SORCS1: variants seen among roughly 807,000 people sequenced by gnomAD.
SORCS1 encodes the protein VPS10 domain-containing receptor SorCS1.
SORCS1 carries 60 observed loss-of-function variants against 146.1 expected under a neutral mutation model. The ratio of observed to expected loss-of-function variants is 0.41; its 90% CI spans 0.33 to 0.51. The LOEUF is 0.51. SORCS1 is among the 20% of genes least tolerant of loss of function. The probability of loss-of-function intolerance (pLI) is 0.21; values close to 1 mark genes in which losing one functional copy is unlikely to be tolerated. For missense variants in SORCS1, 1,352 were observed against 1,487.6 expected (o/e 0.91, Z 1.50); for synonymous variants, 637 against 584.0 (o/e 1.09, Z -1.31).
intron 18 of SORCS1, among the ~76,000 whole-genome samples, chr10:106,648,052 A>T (rs1475539371): frequency 6.6e-6 from 1 of 151,580 alleles, no homozygotes; most frequent in Non-Finnish European, 1.5e-5. Flanking sequence ...AATTATTTTT[A>T]TTTTTTTGGT....
chr10:106,786,393 C>T (rs1946055435), intron 3 of SORCS1, among the ~76,000 whole-genome samples: 1 of 152,166 alleles, frequency 6.6e-6, no homozygotes, highest in African/African-American at 2.4e-5. Context: ...CATGACATCA[C>T]ATCCTCCAGG....
intron 2 of SORCS1, among the ~76,000 whole-genome samples, chr10:106,933,767 C>T (rs1352596363): frequency 6.6e-6 from 1 of 152,130 alleles, no homozygotes; most frequent in Non-Finnish European, 1.5e-5. Flanking sequence ...GCATCATTAA[C>T]TTTACCAGAT....
At chr10:106,587,034 G>A (rs963053479) in intron 24 of SORCS1, among the ~76,000 whole-genome samples, 1 of 152,094 alleles carries the variant, frequency 6.6e-6, no homozygotes, top group African/African-American at 2.4e-5. Flanking sequence ...ATTGCGGGGA[G>A]GGATATATTT....
chr10:107,016,511 G>T (rs1230965541), intron 1 of SORCS1, among the ~76,000 whole-genome samples: 1 of 147,422 alleles, frequency 6.8e-6, no homozygotes, highest in African/African-American at 2.5e-5. Flanking sequence ...TCTCAAAAAA[G>T]AAAAAAAAAA....
At chr10:107,094,678 C>T (rs1430882570) in intron 1 of SORCS1, among the ~76,000 whole-genome samples, 1 of 152,088 alleles carries the variant, frequency 6.6e-6, no homozygotes, top group Non-Finnish European at 1.5e-5. Flanking sequence ...TTAAAAAAGG[C>T]TCCATATATC....
At chr10:106,973,423 C>T (rs557728483) in intron 1 of SORCS1, among the ~76,000 whole-genome samples, 2 of 152,190 alleles carry the variant, frequency 1.3e-5, no homozygotes, top group Non-Finnish European at 2.9e-5. Context: ...ATGCAAATCT[C>T]CCAGGAAAGA....
chr10:107,172,264 T>A, the SORCS1 span, among the ~76,000 whole-genome samples: 6 of 152,218 alleles, frequency 3.9e-5, no homozygotes, highest in African/African-American at 1.4e-4. Flanking sequence ...CTACCATAGT[T>A]TAACCCCAAA....
intron 2 of SORCS1, among the ~76,000 whole-genome samples, chr10:106,836,786 A>C (rs1200188568): frequency 6.6e-6 from 1 of 152,220 alleles, no homozygotes; most frequent in African/African-American, 2.4e-5. Context: ...CTATGAGGAA[A>C]AGAAGGTATA....
At chr10:106,644,611 C>T (rs193066572) in intron 18 of SORCS1, among the ~76,000 whole-genome samples, 2 of 152,106 alleles carry the variant, frequency 1.3e-5, no homozygotes, top group African/African-American at 2.4e-5. Flanking sequence ...GTGTTCTGCC[C>T]GCCTTGGCCT....
intron 3 of SORCS1, among the ~76,000 whole-genome samples, chr10:106,786,847 A>G (rs2136469063): frequency 6.6e-6 from 1 of 152,336 alleles, no homozygotes; most frequent in Non-Finnish European, 1.5e-5. Flanking sequence ...TGGGATATAG[A>G]TATCTTGAAG....
intron 1 of SORCS1, among the ~76,000 whole-genome samples, chr10:107,097,931 T>C (rs1021449792): frequency 6.6e-6 from 1 of 152,178 alleles, no homozygotes; most frequent in Non-Finnish European, 1.5e-5. Context: ...CATGAGACAA[T>C]GTAATACAGG....
At chr10:107,179,174 T>C in the SORCS1 span, among the ~76,000 whole-genome samples, 6 of 152,242 alleles carry the variant, frequency 3.9e-5, no homozygotes, top group Admixed American at 2.0e-4. Flanking sequence ...AATAAGATGA[T>C]GTCTCATTGC....
At chr10:106,907,952 T>C (rs1951982926) in intron 2 of SORCS1, among the ~76,000 whole-genome samples, 1 of 152,150 alleles carries the variant, frequency 6.6e-6, no homozygotes, top group African/African-American at 2.4e-5. Context: ...TGAAATTACT[T>C]TCTTGGGAGA....
At chr10:106,797,309 G>A (rs182920410) in intron 3 of SORCS1, among the ~76,000 whole-genome samples, 1 of 152,012 alleles carries the variant, frequency 6.6e-6, no homozygotes, top group East Asian at 1.9e-4. Flanking sequence ...CCTAGACAAT[G>A]GCATTTAACT....
chr10:106,765,854 TA>T (rs2136286535), intron 4 of SORCS1, among the ~76,000 whole-genome samples: 1 of 152,220 alleles, frequency 6.6e-6, no homozygotes, highest in African/African-American at 2.4e-5. Context: ...TCAATATTCC[TA>T]AATCGGATCA....
intron 2 of SORCS1, among the ~76,000 whole-genome samples, chr10:106,831,262 C>T (rs550519667): frequency 6.6e-6 from 1 of 152,238 alleles, no homozygotes; most frequent in African/African-American, 2.4e-5. Flanking sequence ...AATTTCCTCT[C>T]AGCTTTCTTT....
chr10:107,109,689 C>T (rs151088962), intron 1 of SORCS1, among the ~76,000 whole-genome samples: 2 of 152,346 alleles, frequency 1.3e-5, no homozygotes, highest in African/African-American at 4.8e-5. Flanking sequence ...GCAAATTTCT[C>T]TAGCAAGCGG....
At chr10:106,757,458 C>A (rs967610043) in intron 5 of SORCS1, among the ~76,000 whole-genome samples, 5 of 152,158 alleles carry the variant, frequency 3.3e-5, no homozygotes, top group African/African-American at 1.2e-4. Context: ...TTTGAAGTAA[C>A]TGGTTTCCAG....
intron 6 of SORCS1, among the ~76,000 whole-genome samples, chr10:106,714,347 T>C (rs1204284779): frequency 6.6e-6 from 1 of 151,992 alleles, no homozygotes; most frequent in Non-Finnish European, 1.5e-5. Flanking sequence ...TAGAGTTTGC[T>C]ATTAAAATCT....
Sources: gnomAD v4.1 joint callset for allele counts (sites outside exome capture counted in the v4.1 genomes callset) on GRCh38, gnomAD v4.1.1 for gene constraint, MANE v1.5 for transcripts, NCBI Gene and HGNC (gene_info 2026-07-23, HGNC 2026-07-21) for gene names.